Variants in ARL3 observed in about 807,000 individuals in gnomAD.
ARL3 encodes ADP-ribosylation factor-like protein 3.
In ARL3, 9 loss-of-function variants were observed where a neutral mutation model predicts 26.0. The observed-to-expected ratio is 0.35, with a 90% CI of 0.21 to 0.60. The LOEUF (loss-of-function observed/expected upper bound fraction) is 0.60, where lower values mean the gene tolerates loss of function less well. ARL3 is among the 20% of genes least tolerant of loss of function. ARL3 has a pLI of 0.78. For synonymous variants in ARL3, 71 were observed against 78.4 expected (o/e 0.91, Z 0.50); for missense variants, 158 against 215.7 (o/e 0.73, Z 1.67).
At chr10:102,700,052 A>G (rs957771311) in intron 2 of ARL3, among the ~76,000 whole-genome samples, 1 of 152,210 alleles carries the variant, frequency 6.6e-6, no homozygotes, top group African/African-American at 2.4e-5. Flanking sequence ...CGAATATATC[A>G]GCCCAGTAGG....
rs141557852 is a variant in ARL3 at position 102,694,597 on chromosome 10, T to C, written c.265-4654A>G. ...GCGCCACTTGCTGAAAAGATTATCC[T>C]TCCTCCCTTGAACTGTCATGTTCTT... On this transcript the variant is annotated intron_variant, in intron 3 of 5. Coordinates refer to ENST00000260746, the MANE Select transcript of ARL3 (RefSeq NM_004311.4). Among the ~76,000 whole-genome samples, 131 of 152,334 alleles carry C rather than the reference T, an allele frequency of 8.6e-4. 2 individuals carry two copies. The highest frequency in any genetic ancestry group is 3.0e-3 in the African/African-American group (123 of 41,580).
In ARL3 at chr10:102,674,564, CAGG is replaced by C. The variant is rs1437841224; in HGVS notation, c.*2327_*2329del. Reference sequence around the variant, plus strand: ...AAGTCTCGCTAAGACTCACTGGGGACAGGAGGAGGGGAAAAGGGGTCTTCCCTT... The same window carrying C: ...AAGTCTCGCTAAGACTCACTGGGGACAGGAGGGGAAAAGGGGTCTTCCCTT... On this transcript the variant is annotated 3_prime_UTR_variant, in exon 6 of 6. Transcript: ENST00000260746. 1 of 152,086 alleles carries C rather than the reference CAGG, an allele frequency of 6.6e-6. No individual in the cohort carries two copies. The highest frequency in any genetic ancestry group is 6.5e-5 in the Admixed American group (1 of 15,282). The allele number at this position is 152,086 out of a possible 1,614,324, so 9.4% of individuals were successfully genotyped here.
chr10:102,700,770 C>CT (rs34708600), intron 2 of ARL3, among the ~76,000 whole-genome samples: 30,501 of 98,480 alleles, frequency 0.31, 6,472 homozygotes, highest in East Asian at 0.58. Context: ...AGCCGGAAGT[C>CT]TTTTTTTTTT....
chr10:102,696,326 C>T (rs1395272189), intron 3 of ARL3, among the ~76,000 whole-genome samples: 7 of 139,516 alleles, frequency 5.0e-5, no homozygotes, highest in East Asian at 2.2e-4. Context: ...AGAGCAGTGG[C>T]GCAATCTTGG....
At position 102,689,721 on chromosome 10, in the gene ARL3, G is replaced by A. The variant is rs367545608; in HGVS notation, c.315+172C>T. ...TGGTGCATGCTAATTCCAGCTACTC[G>A]GGAGGCTGAGGCAGGAGAATTGCTT... is the stretch of plus-strand genomic sequence containing the variant. On this transcript the variant is annotated intron_variant, in intron 4 of 5. Coordinates refer to ENST00000260746, the MANE Select transcript of ARL3 (RefSeq NM_004311.4). Among the ~76,000 whole-genome samples, 29 of 151,904 alleles carry A rather than the reference G, an allele frequency of 1.9e-4. No individual in the cohort carries two copies. The South Asian group carries it at 5.0e-3, about 26-fold the overall frequency.
chr10:102,685,715 G>T, intron 5 of ARL3, 101 bp downstream of exon 5: 1 of 1,261,188 alleles, frequency 7.9e-7, no homozygotes, highest in Non-Finnish European at 1.1e-6. Context: ...TTCATATCTT[G>T]GAATGGCTCA....
chr10:102,690,437 C>G, intron 3 of ARL3, among the ~76,000 whole-genome samples: 1 of 151,960 alleles, frequency 6.6e-6, no homozygotes, highest in East Asian at 1.9e-4. Context: ...GCACACGCCA[C>G]CATGCCCAGC....
intron 3 of ARL3, among the ~76,000 whole-genome samples, chr10:102,696,244 G>C (rs990517204): frequency 6.7e-6 from 1 of 148,476 alleles, no homozygotes; most frequent in East Asian, 2.0e-4. Context: ...GATTACAAGC[G>C]TTAGCCACAG....
intron 1 of ARL3, among the ~76,000 whole-genome samples, chr10:102,707,048 A>C (rs1439422756): frequency 6.6e-6 from 1 of 151,952 alleles, no homozygotes; most frequent in Admixed American, 6.6e-5. Context: ...TAATCCCAGC[A>C]CTTTGGGAGG....
intron 3 of ARL3, among the ~76,000 whole-genome samples, chr10:102,690,628 TTAA>T (rs1321245331): frequency 2.0e-5 from 3 of 152,130 alleles, no homozygotes; most frequent in East Asian, 3.8e-4. Flanking sequence ...AAAGCTGATA[TTAA>T]TAATAATACA....
At chr10:102,694,491 ATC>A (rs1381741998) in intron 3 of ARL3, among the ~76,000 whole-genome samples, 1 of 151,920 alleles carries the variant, frequency 6.6e-6, no homozygotes, top group Non-Finnish European at 1.5e-5. Context: ...GGAAAAAAGA[ATC>A]TATTTTAACA....
chr10:102,678,243 G>A (rs1346935302), intron 5 of ARL3, among the ~76,000 whole-genome samples: 1 of 152,202 alleles, frequency 6.6e-6, no homozygotes, highest in Non-Finnish European at 1.5e-5. Context: ...GCAGCAGGGG[G>A]AAGGGCAGAG....
chr10:102,708,908 A>ATATATATATATATATATATTTT, intron 1 of ARL3, among the ~76,000 whole-genome samples: 10 of 95,320 alleles, frequency 1.0e-4, no homozygotes, highest in South Asian at 3.7e-4. Context: ...ATATATATAT[A>ATATATATATATATATATATTTT]TTTTTTTTTT....
At chr10:102,710,785 C>T (rs1458931668) in intron 1 of ARL3, among the ~76,000 whole-genome samples, 1 of 152,194 alleles carries the variant, frequency 6.6e-6, no homozygotes, top group Non-Finnish European at 1.5e-5. Context: ...GACTCAACCA[C>T]AAAACATTTA....
chr10:102,706,304 A>G (rs2064311146), intron 1 of ARL3, among the ~76,000 whole-genome samples: 1 of 152,106 alleles, frequency 6.6e-6, no homozygotes, highest in Admixed American at 6.5e-5. Flanking sequence ...ATAAAAAATT[A>G]GTCGGGCGTG....
intron 2 of ARL3, among the ~76,000 whole-genome samples, chr10:102,700,846 T>G (rs1389184481): frequency 6.8e-6 from 1 of 146,948 alleles, no homozygotes; most frequent in African/African-American, 2.5e-5. Flanking sequence ...CAAGCGATTA[T>G]CCTGCCTCAG....
chr10:102,708,908 ATTT>A (rs1554864095), intron 1 of ARL3, among the ~76,000 whole-genome samples: 11 of 95,342 alleles, frequency 1.2e-4, no homozygotes, highest in East Asian at 3.1e-4. Context: ...ATATATATAT[ATTT>A]TTTTTTTTTT....
At chr10:102,703,756 T>A (rs1183515606) in intron 2 of ARL3, among the ~76,000 whole-genome samples, 1 of 152,008 alleles carries the variant, frequency 6.6e-6, no homozygotes, top group Non-Finnish European at 1.5e-5. Flanking sequence ...GACTCATCTT[T>A]AAACCTCCAC....
chr10:102,680,313 T>A (rs1184315069), intron 5 of ARL3, among the ~76,000 whole-genome samples: 1 of 152,120 alleles, frequency 6.6e-6, no homozygotes, highest in African/African-American at 2.4e-5. Context: ...GGGATGACGA[T>A]CTTACGGTAT....
Sources: allele counts gnomAD v4.1 joint callset (sites outside exome capture counted in the v4.1 genomes callset), GRCh38; gene constraint gnomAD v4.1.1; transcripts MANE v1.5; gene names NCBI Gene and HGNC (gene_info 2026-07-23, HGNC 2026-07-21).